The following TRHDE variants were observed in gnomAD, a reference collection of about 807,000 sequenced individuals.
The protein encoded by TRHDE is thyrotropin-releasing hormone-degrading ectoenzyme.
TRHDE carries 72 observed loss-of-function variants against 125.7 expected under a neutral mutation model. The observed-to-expected ratio is 0.57, with a 90% confidence interval of 0.47 to 0.70. The LOEUF (loss-of-function observed/expected upper bound fraction) is 0.70, where lower values mean the gene tolerates loss of function less well. Ranked by LOEUF, TRHDE falls within the 30% of genes least tolerant of loss-of-function variation. The pLI is 0.00. For synonymous variants in TRHDE, 509 were observed against 509.1 expected, an observed-to-expected ratio of 1.00 and a Z score of 0.00; for missense variants, 1,110 against 1,327.1, an observed-to-expected ratio of 0.84 and a Z score of 2.54.
intron 2 of TRHDE, among the ~76,000 whole-genome samples, chr12:72,290,141 T>C (rs967210675): frequency 2.6e-5 from 4 of 152,180 alleles, no homozygotes; most frequent in Non-Finnish European, 4.4e-5. Context: ...ATGTGCTTCA[T>C]GGAGGAGATA....
chr12:72,309,205 AG>A (rs1868423996), intron 2 of TRHDE, among the ~76,000 whole-genome samples: 1 of 152,086 alleles, frequency 6.6e-6, no homozygotes, highest in African/African-American at 2.4e-5. Flanking sequence ...GTCATTTTTG[AG>A]GTAGAAGGCA....
chr12:72,278,333 A>G (rs1303181713), intron 1 of TRHDE, among the ~76,000 whole-genome samples: 1 of 152,062 alleles, frequency 6.6e-6, no homozygotes, highest in Admixed American at 6.5e-5. Flanking sequence ...TTATCCATCC[A>G]TTCATTGATG....
At chr12:72,300,930 G>A (rs1004938037) in intron 2 of TRHDE, among the ~76,000 whole-genome samples, 2 of 151,974 alleles carry the variant, frequency 1.3e-5, no homozygotes, top group Non-Finnish European at 2.9e-5. Flanking sequence ...AGCCCTGTGC[G>A]GTTATTTCTG....
At chr12:72,523,064 C>T (rs1225338459) in intron 6 of TRHDE, among the ~76,000 whole-genome samples, 1 of 151,992 alleles carries the variant, frequency 6.6e-6, no homozygotes, top group Admixed American at 6.6e-5. Flanking sequence ...TTTAATGTCT[C>T]TTATCAGTGA....
chr12:72,474,401 CTTTGTACACTTTGTCT>C (rs1876793906), intron 5 of TRHDE, among the ~76,000 whole-genome samples: 1 of 152,066 alleles, frequency 6.6e-6, no homozygotes. Context: ...ATGACTGAAG[CTTTGTACACTTTGTCT>C]AATACATCCT....
At chr12:72,500,600 C>T (rs985772479) in intron 6 of TRHDE, among the ~76,000 whole-genome samples, 2 of 151,976 alleles carry the variant, frequency 1.3e-5, no homozygotes, top group Non-Finnish European at 1.5e-5. Flanking sequence ...CCATGTTGGC[C>T]AGGCTGGTCT....
chr12:72,141,390 C>T (rs964371031), intron 2 of TRHDE, among the ~76,000 whole-genome samples: 11 of 152,118 alleles, frequency 7.2e-5, no homozygotes, highest in African/African-American at 1.7e-4. Flanking sequence ...TTCACTGCCC[C>T]GATAACCACA....
intron 2 of TRHDE, among the ~76,000 whole-genome samples, chr12:72,171,969 T>C (rs1876883942): frequency 2.6e-5 from 4 of 152,308 alleles, no homozygotes; most frequent in Admixed American, 2.0e-4. Flanking sequence ...CACTGTTCAA[T>C]TGCCCTGTGA....
rs760332675 is a variant in TRHDE, at chr12:72,568,644, T to C, written c.2119T>C (p.Ser707Pro). Reference protein sequence around the residue: ...HVSSEAIIWVSNKSEHHRITY... With the variant: ...HVSSEAIIWVPNKSEHHRITY... Reference sequence around the variant, plus strand: ...GTCTTCAGAAGCAATTATTTGGGTGTCTAACAAATCAGGTAAACTATATAT... The same window carrying C: ...GTCTTCAGAAGCAATTATTTGGGTGCCTAACAAATCAGGTAAACTATATAT... Residue 707 changes from serine (S) to proline (P), a missense_variant, in exon 10 of 19, where the codon TCT becomes CCT. Coordinates refer to ENST00000261180, the MANE Select transcript of TRHDE (RefSeq NM_013381.3). 6.2e-7 allele frequency: 1 copy of C among 1,608,862 alleles called. No homozygotes were observed. The highest frequency in any genetic ancestry group is 8.5e-7 in the Non-Finnish European group (1 of 1,175,994).
intron 15 of TRHDE, among the ~76,000 whole-genome samples, chr12:72,623,567 C>A (rs1464356546): frequency 6.6e-6 from 1 of 152,012 alleles, no homozygotes; most frequent in Admixed American, 6.6e-5. Flanking sequence ...AGAAGTGGAT[C>A]TTAACATTCA....
chr12:72,241,154 C>G (rs1473995358), intron 2 of TRHDE, among the ~76,000 whole-genome samples: 3 of 152,144 alleles, frequency 2.0e-5, no homozygotes, highest in Non-Finnish European at 2.9e-5. Context: ...CTAATCGATT[C>G]CACTTAAAAC....
chr12:72,291,009 T>G (rs970852309), intron 2 of TRHDE, among the ~76,000 whole-genome samples: 1 of 152,194 alleles, frequency 6.6e-6, no homozygotes, highest in African/African-American at 2.4e-5. Context: ...GTTTTAAAAT[T>G]AACACAGTCG....
intron 6 of TRHDE, among the ~76,000 whole-genome samples, chr12:72,508,079 A>G (rs978758106): frequency 1.3e-5 from 2 of 152,186 alleles, no homozygotes; most frequent in African/African-American, 4.8e-5. Flanking sequence ...GATGTGTGAA[A>G]ATGCCTGGGT....
At chr12:72,263,657 G>T (rs1474123869) in intron 2 of TRHDE, 1 of 152,016 alleles carries the variant, frequency 6.6e-6, no homozygotes, top group Non-Finnish European at 1.5e-5. Flanking sequence ...ATTGCTTTTA[G>T]ACACAAAGCA....
rs1343590178 is a variant in TRHDE, at chr12:72,291,714, T to C, written c.1188+4760T>C. Among the ~76,000 whole-genome samples the C allele has an allele frequency of 2.0e-5, 3 of 152,228 alleles. No homozygotes were observed. In the East Asian group the frequency reaches 5.8e-4, roughly 29 times the overall value. On this transcript the variant is annotated intron_variant, in intron 2 of 18. Coordinates refer to ENST00000261180, the MANE Select transcript of TRHDE (RefSeq NM_013381.3). ...AGCATTTACACTGTATTGGGTATTG[T>C]ATGCAATCTAGAGGTGATTTAAAGT...
chr12:72,592,563 T>TC (rs1189909575), intron 12 of TRHDE, among the ~76,000 whole-genome samples: 10 of 152,016 alleles, frequency 6.6e-5, no homozygotes, highest in African/African-American at 1.9e-4. Flanking sequence ...TGATTTTTTT[T>TC]TTCTCTCTCT....
At chr12:72,093,057 A>T (rs116692417) in intron 1 of TRHDE, among the ~76,000 whole-genome samples, 1,975 of 152,252 alleles carry the variant, frequency 0.013, 41 homozygotes, top group African/African-American at 0.046. Context: ...GTAATTTCTT[A>T]TTCTGAGGTG....
intron 3 of TRHDE, among the ~76,000 whole-genome samples, chr12:72,406,609 C>T (rs1417412806): frequency 6.6e-6 from 1 of 152,122 alleles, no homozygotes; most frequent in Non-Finnish European, 1.5e-5. Flanking sequence ...GAAAACTTTA[C>T]TGCTGTCCTC....
At chr12:72,591,503 G>T (rs1346973621) in intron 12 of TRHDE, among the ~76,000 whole-genome samples, 3 of 151,162 alleles carry the variant, frequency 2.0e-5, no homozygotes, top group East Asian at 2.0e-4. Context: ...AAACCCAAAA[G>T]AAAATGTTAT....
Sources: allele counts gnomAD v4.1 joint callset (sites outside exome capture counted in the v4.1 genomes callset), GRCh38; gene constraint gnomAD v4.1.1; transcripts MANE v1.5; gene names NCBI Gene and HGNC (gene_info 2026-07-23, HGNC 2026-07-21).